Variants in MSRA observed in about 807,000 individuals in gnomAD.
MSRA encodes the protein mitochondrial peptide methionine sulfoxide reductase.
In MSRA, 54 loss-of-function variants were observed where a neutral mutation model predicts 31.3. That is an observed-to-expected ratio of 1.73 (90% CI 1.39 to 2.17). The LOEUF is 2.17. MSRA is among the 30% of genes most tolerant of loss of function. The pLI is 0.00. For missense variants in MSRA, 507 were observed against 300.9 expected (o/e 1.69, Z -5.07); for synonymous variants, 169 against 116.5 (o/e 1.45, Z -2.90).
Position 10,428,272 on chromosome 8 carries a change from G to A in MSRA, c.668G>A (p.Gly223Glu). Residue 223 changes from glycine (G) to glutamate (E), a missense_variant, in exon 6 of 6, where the codon GGG becomes GAG. Gly to Glu is a moderately conservative substitution (Grantham distance 98). Coordinates refer to ENST00000317173, the MANE Select transcript of MSRA (RefSeq NM_012331.5). The stretch of plus-strand genomic sequence containing the variant: ...AACCCCAATGGCTACTGCGGCCTTG[G>A]GGGCACCGGCGTGTCCTGCCCAGTG... ...SKNPNGYCGL[G>E]GTGVSCPVGI... 6.2e-7 allele frequency: 1 copy of A among 1,614,048 alleles called. No individual in the cohort carries two copies. The highest frequency in any genetic ancestry group is 1.1e-5 in the South Asian group (1 of 91,070).
chr8:10,412,323 G>C (rs1049885654), intron 5 of MSRA, among the ~76,000 whole-genome samples: 5 of 152,286 alleles, frequency 3.3e-5, no homozygotes, highest in Middle Eastern at 6.8e-3. Context: ...AGGGCCACAG[G>C]CTTGTCAGTT....
intron 3 of MSRA, among the ~76,000 whole-genome samples, chr8:10,281,456 G>A (rs1799618719): frequency 6.6e-6 from 1 of 152,192 alleles, no homozygotes; most frequent in Non-Finnish European, 1.5e-5. Context: ...TAAACCCACT[G>A]GGATGGCACA....
At chr8:10,180,582 G>C (rs1806452332) in intron 1 of MSRA, among the ~76,000 whole-genome samples, 1 of 152,166 alleles carries the variant, frequency 6.6e-6, no homozygotes, top group East Asian at 1.9e-4. Flanking sequence ...GCATAACTCA[G>C]GTAAGGTTGA....
intron 4 of MSRA, among the ~76,000 whole-genome samples, chr8:10,304,587 A>T (rs1488363807): frequency 6.6e-6 from 1 of 152,220 alleles, no homozygotes; most frequent in Non-Finnish European, 1.5e-5. Flanking sequence ...CAGAATTTGA[A>T]GCCTGCTCCT....
At chr8:10,238,141 C>G (rs983919134) in intron 2 of MSRA, among the ~76,000 whole-genome samples, 1 of 152,164 alleles carries the variant, frequency 6.6e-6, no homozygotes, top group African/African-American at 2.4e-5. Flanking sequence ...GGCTTCCTTC[C>G]TGCCCCTTAG....
intron 4 of MSRA, among the ~76,000 whole-genome samples, chr8:10,312,684 A>G (rs1163191127): frequency 6.6e-6 from 1 of 152,212 alleles, no homozygotes; most frequent in Non-Finnish European, 1.5e-5. Flanking sequence ...ATAGTATATA[A>G]GAAAATAATA....
chr8:10,377,646 C>T (rs1042876368), intron 5 of MSRA, among the ~76,000 whole-genome samples: 3 of 152,196 alleles, frequency 2.0e-5, no homozygotes, highest in Admixed American at 2.0e-4. Context: ...ACTGCTGGAA[C>T]CCCGTGTCCA....
intron 2 of MSRA, among the ~76,000 whole-genome samples, chr8:10,244,482 C>A (rs1436667623): frequency 2.0e-5 from 3 of 152,086 alleles, no homozygotes; most frequent in Non-Finnish European, 4.4e-5. Context: ...TCATTCTCTC[C>A]CTGCCTCCCT....
chr8:10,113,818 A>G (rs1056389065), intron 1 of MSRA, among the ~76,000 whole-genome samples: 1 of 152,014 alleles, frequency 6.6e-6, no homozygotes, highest in African/African-American at 2.4e-5. Flanking sequence ...TCTAATTCAC[A>G]TACTGTAGAG....
rs747541349 is a variant in MSRA at position 10,054,644 on chromosome 8, A to G, written c.128A>G (p.Gln43Arg). The G allele has an allele frequency of 3.8e-6, 6 of 1,567,038 alleles. No individual in the cohort carries two copies. Among genetic ancestry groups the G allele is most frequent in the Non-Finnish European group, 4.3e-6 (5 of 1,157,708 alleles). ...GAGGCCTTGCCGGGCCGGAAGGAAC[A>G]GACCCCTGTAGCGGGTAAGCACTGG... Reference protein sequence around the residue: ...PQEALPGRKEQTPVAAKHHVN... With the variant: ...PQEALPGRKERTPVAAKHHVN... The change falls in exon 1 of 6, where the codon CAG becomes CGG. Residue 43 changes from glutamine (Q) to arginine (R), a missense_variant. Gln to Arg is a conservative substitution (Grantham distance 43). Coordinates refer to ENST00000317173, the MANE Select transcript of MSRA (RefSeq NM_012331.5).
At position 10,123,336 on chromosome 8, in the gene MSRA, GTGTC is replaced by G. The variant is rs372747590; in HGVS notation, c.142+68682_142+68685del. Among the ~76,000 whole-genome samples the G allele has an allele frequency of 2.2e-4, 33 of 152,298 alleles. 1 individual carries two copies. The highest frequency in any genetic ancestry group is 7.9e-4 in the African/African-American group (33 of 41,564). On this transcript the variant is annotated intron_variant, in intron 1 of 5. Coordinates refer to ENST00000317173, the MANE Select transcript of MSRA (RefSeq NM_012331.5). The stretch of plus-strand genomic sequence containing the variant: ...CTGCATGTATGTTGTCTATTGAAAA[GTGTC>G]TGTTCATGCCCTTTGTCCACTCTAA...
chr8:10,331,170 A>G (rs1802673226), intron 5 of MSRA, among the ~76,000 whole-genome samples: 2 of 152,336 alleles, frequency 1.3e-5, no homozygotes, highest in South Asian at 4.1e-4. Context: ...CCAGAACTGT[A>G]AGAAATAGAA....
chr8:10,188,621 T>C (rs1184389480), intron 1 of MSRA, among the ~76,000 whole-genome samples: 1 of 152,220 alleles, frequency 6.6e-6, no homozygotes, highest in Non-Finnish European at 1.5e-5. Flanking sequence ...TTTTGTCCCA[T>C]TTAGATATAC....
At chr8:10,169,014 G>A (rs1009954419) in intron 1 of MSRA, among the ~76,000 whole-genome samples, 13 of 152,310 alleles carry the variant, frequency 8.5e-5, no homozygotes, top group Non-Finnish European at 1.9e-4. Context: ...TGAGGGGAAT[G>A]TTATAAGTAC....
intron 1 of MSRA, among the ~76,000 whole-genome samples, chr8:10,062,277 A>C (rs966066046): frequency 1.3e-5 from 2 of 152,206 alleles, no homozygotes; most frequent in African/African-American, 2.4e-5. Context: ...TTCAGCTGAC[A>C]TCGGCAACCC....
intron 1 of MSRA, among the ~76,000 whole-genome samples, chr8:10,198,529 C>T (rs542961780): frequency 6.6e-6 from 1 of 152,240 alleles, no homozygotes; most frequent in Admixed American, 6.5e-5. Context: ...TTGTAAACAT[C>T]TCTGGAATTC....
At chr8:10,260,566 C>T (rs565199903) in intron 3 of MSRA, among the ~76,000 whole-genome samples, 47 of 152,260 alleles carry the variant, frequency 3.1e-4, no homozygotes, top group Middle Eastern at 3.4e-3. Context: ...AAATTGGCTA[C>T]CCAGGGACCA....
Position 10,240,726 on chromosome 8 carries a change from TC to T in MSRA, c.212-4375del, listed in dbSNP as rs1162858609. Among the ~76,000 whole-genome samples, 6 of 152,126 alleles carry T rather than the reference TC, an allele frequency of 3.9e-5. No individual in the cohort carries two copies. The East Asian group carries it at 1.2e-3, about 29-fold the overall frequency. On this transcript the variant is annotated intron_variant, in intron 2 of 5. Transcript: ENST00000317173. ...TGAAGGAACCAGTTGGGAGGATTTT[TC>T]CCTTACCCCTGTCTTTCCTGGCCAC... is the stretch of plus-strand genomic sequence containing the variant.
At chr8:10,277,236 C>A (rs1016356951) in intron 3 of MSRA, among the ~76,000 whole-genome samples, 3 of 152,150 alleles carry the variant, frequency 2.0e-5, no homozygotes, top group African/African-American at 4.8e-5. Flanking sequence ...TTTCTCCTTA[C>A]AATAATTTAG....
Sources: gnomAD v4.1 joint callset for allele counts (sites outside exome capture counted in the v4.1 genomes callset) on GRCh38, gnomAD v4.1.1 for gene constraint, MANE v1.5 for transcripts, NCBI Gene and HGNC (gene_info 2026-07-23, HGNC 2026-07-21) for gene names.